The following SLC12A9 variants were observed in gnomAD, a reference collection of about 807,000 sequenced individuals.
The protein encoded by SLC12A9 is solute carrier family 12 member 9.
In SLC12A9, 55 loss-of-function variants were observed where a neutral mutation model predicts 66.0. The observed-to-expected ratio is 0.83, with a 90% CI of 0.67 to 1.04. The LOEUF is 1.04. SLC12A9 is among the 50% of genes least tolerant of loss of function. SLC12A9 has a pLI of 0.00. For synonymous variants in SLC12A9, 577 were observed against 569.0 expected, an observed-to-expected ratio of 1.01 and a Z score of -0.20; for missense variants, 1,061 against 1,241.9, an observed-to-expected ratio of 0.85 and a Z score of 2.19.
At position 100,866,112 on chromosome 7, in the gene SLC12A9, T is replaced by C; in HGVS notation, c.2252T>C (p.Met751Thr). ...VDVCGLFLLQMATILGMVPAW... is the reference protein window; with the variant it reads ...VDVCGLFLLQTATILGMVPAW... ...GTCTGCGGCCTCTTCCTGCTGCAGA[T>C]GGCAACCATCTTGGGCATGGTGCCC... The change falls in exon 14 of 14, where the codon ATG (methionine) becomes ACG (threonine). Residue 751 changes from methionine (M) to threonine (T), a missense_variant. Transcript: ENST00000354161. The surrounding 1 kb of genome is among the most constrained non-coding windows in gnomAD (Gnocchi z 7.3). 6.2e-7 allele frequency: 1 copy of C among 1,612,986 alleles called. No homozygotes were observed. Among genetic ancestry groups the C allele is most frequent in the African/African-American group, 1.3e-5 (1 of 75,036 alleles).
At chr7:100,859,215 C>T (rs1173536497) in intron 7 of SLC12A9, 54 bp downstream of exon 7, 42 of 1,527,652 alleles carry the variant, frequency 2.7e-5, no homozygotes, top group South Asian at 4.5e-5. Flanking sequence ...GCACCTGGGT[C>T]ACCAAGGGGA....
At chr7:100,834,757 C>A (rs1043772591) in intron 1 of SLC12A9, among the ~76,000 whole-genome samples, 1 of 152,028 alleles carries the variant, frequency 6.6e-6, no homozygotes, top group African/African-American at 2.4e-5. Context: ...CCTGTGGTCC[C>A]AGCTGTTCGG....
rs1319336095 is a variant in SLC12A9 at position 100,859,889 on chromosome 7, C to T, written c.982C>T (p.Leu328=). Residue 328 remains leucine (L), a synonymous_variant, in exon 8 of 14, where the codon CTG becomes TTG. Transcript: ENST00000354161. The part of the protein sequence containing the change: ...FLSSFTCDRT[L]LQEDYGFFRA... ...CCTCCTTTTCCTCCTTCCTAGGACCCTGCTGCAGGAAGACTATGGGTTCTT... is the reference window on the plus strand; with the variant it reads ...CCTCCTTTTCCTCCTTCCTAGGACCTTGCTGCAGGAAGACTATGGGTTCTT... 4 of 1,599,382 alleles carry T rather than the reference C, an allele frequency of 2.5e-6. No individual in the cohort carries two copies. In the South Asian group the frequency reaches 3.3e-5, roughly 13 times the overall value.
In SLC12A9 at chr7:100,856,969, C is replaced by T; in HGVS notation, c.550C>T (p.Leu184=). The change falls in exon 5 of 14, where the codon CTG becomes TTG. Residue 184 remains leucine (L), a synonymous_variant. Coordinates refer to ENST00000354161, the MANE Select transcript of SLC12A9 (RefSeq NM_020246.4). ...GGGCCTTGTGGGTGGGGTCTGCACC[C>T]TGGGAGCCGGCCTCTATGCCCGGGC... ...LLGLVGGVCT[L]GAGLYARASF... is the part of the protein sequence containing the mutation. 6.2e-7 allele frequency: 1 copy of T among 1,613,900 alleles called. No individual in the cohort carries two copies. The highest frequency in any genetic ancestry group is 1.6e-4 in the Middle Eastern group (1 of 6,062).
At chr7:100,860,476 GC>G in intron 9 of SLC12A9, 1 of 542,828 alleles carries the variant, frequency 1.8e-6, no homozygotes, top group Non-Finnish European at 3.3e-6. Flanking sequence ...GGGTACACGG[GC>G]ATTGTGCAGG....
At chr7:100,829,502 T>TGCGCCC (rs1440474840) in intron 1 of SLC12A9, among the ~76,000 whole-genome samples, 2 of 150,806 alleles carry the variant, frequency 1.3e-5, no homozygotes, top group Non-Finnish European at 3.0e-5. Flanking sequence ...GCCTGGGTCC[T>TGCGCCC]GCGCCCGGGT....
chr7:100,827,161 C>A, intron 1 of SLC12A9: 2 of 951,966 alleles, frequency 2.1e-6, no homozygotes, highest in Non-Finnish European at 1.5e-6. Context: ...CAGCGCGGGC[C>A]CATGCGAGCG....
chr7:100,865,981 C>A lies in SLC12A9; in HGVS notation c.2121C>A (p.Pro707=). The A allele has an allele frequency of 1.2e-6, 2 of 1,612,776 alleles. No individual in the cohort carries two copies. Among genetic ancestry groups the A allele is most frequent in the East Asian group, 2.2e-5 (1 of 44,880 alleles). The change falls in exon 14 of 14, where the codon CCC becomes CCA. Residue 707 remains proline (P), a synonymous_variant. Coordinates refer to ENST00000354161, the MANE Select transcript of SLC12A9 (RefSeq NM_020246.4). The part of the protein sequence containing the change: ...VVLARASGAL[P]PERLSRGSGG... ...TGGCCCGGGCCAGCGGGGCCTTGCC[C>A]CCTGAGCGGCTGAGCCGGGGGTCTG... is the stretch of plus-strand genomic sequence containing the variant.
chr7:100,863,310 C>T (rs1814878371), intron 13 of SLC12A9, among the ~76,000 whole-genome samples: 1 of 152,158 alleles, frequency 6.6e-6, no homozygotes, highest in Admixed American at 6.5e-5. Context: ...AGGTGATCTA[C>T]CCGCCTCGGC....
At chr7:100,831,935 G>T (rs1813551489) in intron 1 of SLC12A9, among the ~76,000 whole-genome samples, 1 of 152,154 alleles carries the variant, frequency 6.6e-6, no homozygotes, top group Non-Finnish European at 1.5e-5. Context: ...AGTTTTGAAG[G>T]TGAGTTTCAG....
At chr7:100,851,784 C>CAAAAAAAAAAAA (rs66749400), upstream of SLC12A9, among the ~76,000 whole-genome samples, 4 of 74,246 alleles carry the variant, frequency 5.4e-5, no homozygotes, top group Non-Finnish European at 9.5e-5. Context: ...GTTCCTGGAT[C>CAAAAAAAAAAAA]AAAAAAAAAA....
At chr7:100,826,882 G>T in exon 1 of SLC12A9, 2 of 1,409,556 alleles carry the variant, frequency 1.4e-6, no homozygotes, top group South Asian at 2.7e-5. Context: ...GCCCGGGTAG[G>T]GGTAGTCAGA....
At chr7:100,844,182 A>C (rs376922267) in intron 1 of SLC12A9, among the ~76,000 whole-genome samples, 2 of 152,232 alleles carry the variant, frequency 1.3e-5, no homozygotes, top group South Asian at 2.1e-4. Flanking sequence ...GAGGTAGGAC[A>C]AAAGGTTGCT....
chr7:100,831,894 G>T (rs1040731482), intron 1 of SLC12A9, among the ~76,000 whole-genome samples: 1 of 152,056 alleles, frequency 6.6e-6, no homozygotes, highest in East Asian at 1.9e-4. Context: ...CTTCTTCCAC[G>T]GCCCTGGTTA....
upstream of SLC12A9, among the ~76,000 whole-genome samples, chr7:100,851,784 C>CAAA (rs66749400): frequency 9.4e-4 from 70 of 74,226 alleles, 4 homozygotes; most frequent in Middle Eastern, 7.6e-3. Flanking sequence ...GTTCCTGGAT[C>CAAA]AAAAAAAAAA....
At chr7:100,852,889 G>A (rs1814150052) in intron 1 of SLC12A9, 54 bp downstream of exon 1, 1 of 152,238 alleles carries the variant, frequency 6.6e-6, no homozygotes. Context: ...CCTGGCCGGG[G>A]AGAAGGATAT....
intron 1 of SLC12A9, among the ~76,000 whole-genome samples, chr7:100,846,506 G>A (rs1296607722): frequency 6.6e-6 from 1 of 151,882 alleles, no homozygotes; most frequent in African/African-American, 2.4e-5. Context: ...GGCGGAGCTG[G>A]CAGTGAGCCG....
At chr7:100,838,516 A>T (rs1438147949) in intron 1 of SLC12A9, among the ~76,000 whole-genome samples, 1 of 151,842 alleles carries the variant, frequency 6.6e-6, no homozygotes, top group Non-Finnish European at 1.5e-5. Flanking sequence ...AGGAGATACT[A>T]TTATTTATTT....
At position 100,861,931 on chromosome 7, in the gene SLC12A9, A is replaced by C; in HGVS notation, c.1711+20A>C. 6.5e-7 allele frequency: 1 copy of C among 1,547,094 alleles called. No homozygotes were observed. On this transcript the variant is annotated intron_variant, in intron 12 of 13. Transcript: ENST00000354161. This position sits in a 1 kb window ranked among gnomAD's most constrained non-coding sequence, Gnocchi z 5.3. ...ACCTCGGTGAGCTGCCCTCCCACTC[A>C]CTCACTCACTCCCATCCTTCTCTCC...
Sources: gnomAD v4.1 joint callset for allele counts (sites outside exome capture counted in the v4.1 genomes callset) on GRCh38, gnomAD v4.1.1 for gene constraint, Gnocchi (gnomAD v3.1) non-coding constraint, MANE v1.5 for transcripts, NCBI Gene and HGNC (gene_info 2026-07-23, HGNC 2026-07-21) for gene names.